CAT: variants seen among roughly 807,000 people sequenced by gnomAD.
CAT encodes epididymis secretory sperm binding protein.
A neutral mutation model predicts 59.0 loss-of-function variants in CAT; 43 were observed. That is an observed-to-expected ratio of 0.73 (90% confidence interval 0.57 to 0.94). The LOEUF is 0.94. CAT is among the 40% of genes least tolerant of loss of function. The pLI is 0.00. For synonymous variants in CAT, 218 were observed against 230.9 expected (o/e 0.94, Z 0.51); for missense variants, 664 against 682.9 (o/e 0.97, Z 0.31).
intron 7 of CAT, 121 bp downstream of exon 7, chr11:34,456,323 A>T: frequency 1.3e-6 from 1 of 786,016 alleles, no homozygotes; most frequent in Non-Finnish European, 2.1e-6. Context: ...AGAGGGTACC[A>T]CTTCAGAGTG....
intron 1 of CAT, among the ~76,000 whole-genome samples, chr11:34,448,947 A>G (rs1185446694): frequency 6.6e-6 from 1 of 152,166 alleles, no homozygotes; most frequent in Non-Finnish European, 1.5e-5. Context: ...AGGCTCCAAA[A>G]TCATCTTTCT....
intron 7 of CAT, 129 bp from the exon 8 acceptor site, chr11:34,456,536 C>A: frequency 1.1e-6 from 1 of 932,906 alleles, no homozygotes; most frequent in Non-Finnish European, 1.7e-6. Flanking sequence ...ATCTTAAATT[C>A]TTATGTTTTA....
chr11:34,460,778 T>G (rs1327294818), intron 8 of CAT: 1 of 246,340 alleles, frequency 4.1e-6, no homozygotes, highest in African/African-American at 2.3e-5. Context: ...TTGAAGAATT[T>G]CCCATGCTGT....
chr11:34,465,411 A>AC (rs1444889925), intron 10 of CAT, among the ~76,000 whole-genome samples: 1 of 152,180 alleles, frequency 6.6e-6, no homozygotes, highest in Non-Finnish European at 1.5e-5. Context: ...TTTCCTGCAT[A>AC]CCTTTTATGT....
intron 10 of CAT, among the ~76,000 whole-genome samples, chr11:34,466,225 C>T (rs1485337736): frequency 6.6e-6 from 1 of 152,226 alleles, no homozygotes; most frequent in East Asian, 1.9e-4. Flanking sequence ...AAGGTGATCT[C>T]TTTCTACGCC....
chr11:34,451,098 G>T lies in CAT; in HGVS notation c.349G>T (p.Ala117Ser). 1 of 1,575,496 alleles carries T rather than the reference G, an allele frequency of 6.3e-7. No individual in the cohort carries two copies. The highest frequency in any genetic ancestry group is 2.2e-5 in the East Asian group (1 of 44,718). ...TPIAVRFSTV[A>S]GESGSADTVR... ...CATCGCAGTTCGGTTCTCCACTGTT[G>T]GTAAGTTGGTTTATTGGCGTGATTG... The change falls in exon 3 of 13, where the codon GCT (alanine) becomes TCT (serine). Residue 117 changes from alanine to serine, a missense_variant and splice_region_variant. Ala to Ser is a moderately conservative substitution (Grantham distance 99). Coordinates refer to ENST00000241052, the MANE Select transcript of CAT (RefSeq NM_001752.4).
chr11:34,461,490 C>A, intron 9 of CAT, 101 bp downstream of exon 9: 1 of 1,405,026 alleles, frequency 7.1e-7, no homozygotes, highest in Non-Finnish European at 1.0e-6. Flanking sequence ...CCCCGCAGGA[C>A]CTCCTGCTTG....
In CAT at chr11:34,461,335, G is replaced by T. The variant is rs1320975447; in HGVS notation, c.1141G>T (p.Ala381Ser). Residue 381 changes from alanine to serine, a missense_variant, in exon 9 of 13, where the codon GCT becomes TCT. Ala to Ser is a moderately conservative substitution (Grantham distance 99, BLOSUM62 1). Transcript: ENST00000241052. Reference sequence around the variant, plus strand: ...TATACCTGTGAACTGTCCCTACCGTGCTCGAGTGGCCAACTACCAGCGTGA... The same window carrying T: ...TATACCTGTGAACTGTCCCTACCGTTCTCGAGTGGCCAACTACCAGCGTGA... ...LHIPVNCPYRARVANYQRDGP... is the reference protein window; with the variant it reads ...LHIPVNCPYRSRVANYQRDGP... 6.2e-7 allele frequency: 1 copy of T among 1,614,216 alleles called. No individual in the cohort carries two copies. The highest frequency in any genetic ancestry group is 8.5e-7 in the Non-Finnish European group (1 of 1,180,046).
At chr11:34,462,346 G>A (rs1175955648) in intron 9 of CAT, among the ~76,000 whole-genome samples, 1 of 151,926 alleles carries the variant, frequency 6.6e-6, no homozygotes, top group Non-Finnish European at 1.5e-5. Context: ...GAATATATAG[G>A]AAAAAGAAGA....
chr11:34,459,996 G>A (rs77959193), intron 8 of CAT, among the ~76,000 whole-genome samples: 65 of 152,332 alleles, frequency 4.3e-4, no homozygotes, highest in African/African-American at 1.5e-3. Context: ...AGAACACTGG[G>A]ACTGGATTAA....
rs1450610704 is a variant in CAT, at chr11:34,459,425, G to A, written c.1057-1826G>A. ...GTTTTATAACTTTATCCAAAGTGGT[G>A]AGCCACACCATGGTGAAATGGACAA... On this transcript the variant is annotated intron_variant, in intron 8 of 12. Transcript: ENST00000241052. Among the ~76,000 whole-genome samples, 3 of 152,186 alleles carry A rather than the reference G, an allele frequency of 2.0e-5. No homozygotes were observed. In the South Asian group the frequency reaches 6.2e-4, roughly 32 times the overall value.
intron 4 of CAT, 135 bp downstream of exon 4, chr11:34,452,342 C>T: frequency 1.3e-6 from 1 of 764,340 alleles, no homozygotes; most frequent in Non-Finnish European, 2.2e-6. Flanking sequence ...CTTTTTTCAA[C>T]ACATTTTTCT....
At chr11:34,448,281 C>T (rs941136094) in intron 1 of CAT, among the ~76,000 whole-genome samples, 1 of 152,170 alleles carries the variant, frequency 6.6e-6, no homozygotes, top group African/African-American at 2.4e-5. Context: ...TCATAGACAG[C>T]GTTGAGTTCC....
At chr11:34,470,114 A>G (rs1856758484) in intron 11 of CAT, among the ~76,000 whole-genome samples, 1 of 152,304 alleles carries the variant, frequency 6.6e-6, no homozygotes, top group East Asian at 1.9e-4. Flanking sequence ...CCCACTTTAG[A>G]TAACAAATGA....
rs2133181118 is a variant in CAT at position 34,449,369 on chromosome 11, T to C, written c.238+6T>C. ...TGTGCATGCTAAAGGAGCAGGTAAG[T>C]GCTGTGTTTATTTGCTGTAAAAAGA... is the stretch of plus-strand genomic sequence containing the variant. On this transcript the variant is annotated splice_donor_region_variant and intron_variant, in intron 2 of 12. Transcript: ENST00000241052. The C allele has an allele frequency of 6.2e-7, 1 of 1,613,104 alleles. No homozygotes were observed. Among genetic ancestry groups the C allele is most frequent in the Non-Finnish European group, 8.5e-7 (1 of 1,179,106 alleles).
At chr11:34,458,943 C>G (rs1856619756) in intron 8 of CAT, among the ~76,000 whole-genome samples, 1 of 152,000 alleles carries the variant, frequency 6.6e-6, no homozygotes, top group Non-Finnish European at 1.5e-5. Flanking sequence ...AATATAATTT[C>G]TGTTAGTATT....
At chr11:34,457,480 A>G (rs1215450190) in intron 8 of CAT, among the ~76,000 whole-genome samples, 10 of 152,262 alleles carry the variant, frequency 6.6e-5, no homozygotes, top group African/African-American at 2.4e-4. Context: ...GTGCTGGATT[A>G]TAGGCGTGAG....
chr11:34,463,844 A>T (rs1385184247), intron 9 of CAT, among the ~76,000 whole-genome samples: 1 of 152,238 alleles, frequency 6.6e-6, no homozygotes, highest in African/African-American at 2.4e-5. Context: ...TGAAGTGTCA[A>T]AAGGGACTTT....
In CAT at chr11:34,445,511, A is replaced by AAT. The variant is rs1271491507; in HGVS notation, c.67-3680_67-3679insTA. ...ACTCCATCTCAAAAAAAAAAAAAAAAAAAAAAAAAAAGAAAAACAGTGACA... is the reference window on the plus strand; with the variant it reads ...ACTCCATCTCAAAAAAAAAAAAAAAAATAAAAAAAAAAAGAAAAACAGTGACA... On this transcript the variant is annotated intron_variant, in intron 1 of 12. Coordinates refer to ENST00000241052, the MANE Select transcript of CAT (RefSeq NM_001752.4). 1.0e-4 allele frequency among the ~76,000 whole-genome samples: 15 copies of AAT among 150,340 alleles called. 1 individual carries two copies. The highest frequency in any genetic ancestry group is 3.2e-4 in the African/African-American group (13 of 40,886).
Sources: allele counts gnomAD v4.1 joint callset (sites outside exome capture counted in the v4.1 genomes callset), GRCh38; gene constraint gnomAD v4.1.1; transcripts MANE v1.5; gene names NCBI Gene and HGNC (gene_info 2026-07-23, HGNC 2026-07-21).